The following TMPRSS6 variants were observed in gnomAD, a reference collection of about 807,000 sequenced individuals.
The protein encoded by TMPRSS6 is transmembrane protease serine 6.
Under a neutral mutation model 101.5 loss-of-function variants are expected in TMPRSS6, and 67 were observed. The ratio of observed to expected loss-of-function variants is 0.66; its 90% CI spans 0.54 to 0.81. TMPRSS6 has a LOEUF of 0.81. TMPRSS6 is among the 30% of genes least tolerant of loss of function. TMPRSS6 has a pLI of 0.00. For missense variants in TMPRSS6, 1,034 were observed against 1,088.7 expected, an observed-to-expected ratio of 0.95 and a Z score of 0.71; for synonymous variants, 453 against 464.9, an observed-to-expected ratio of 0.97 and a Z score of 0.33.
At position 37,085,218 on chromosome 22, in the gene TMPRSS6, G is replaced by A. The variant is rs550510378; in HGVS notation, c.974-379C>T. Among the ~76,000 whole-genome samples, 40 of 152,268 alleles carry A rather than the reference G, an allele frequency of 2.6e-4. 1 individual carries two copies. The South Asian group carries it at 7.9e-3, about 30-fold the overall frequency. On this transcript the variant is annotated intron_variant, in intron 8 of 17. Transcript: ENST00000676104. ...GTTCCCCTTTTCCAAGATGAGGTTC[G>A]GAGAAAAGGAGTGGCTTGGTTGAGG...
Position 37,086,181 on chromosome 22 carries a change from C to T in TMPRSS6, c.973+102G>A, listed in dbSNP as rs968828856. On this transcript the variant is annotated intron_variant, in intron 8 of 17. Coordinates refer to ENST00000676104, the MANE Select transcript of TMPRSS6 (RefSeq NM_001374504.1). ...TTCCAGAATCTTCCCTCTCCCCATC[C>T]CATCCTCAATTTGGGCAAAAAAGGT... 1.5e-5 allele frequency: 22 copies of T among 1,509,536 alleles called. No homozygotes were observed. In the African/African-American group the frequency reaches 3.0e-4, roughly 21 times the overall value. The allele number at this position is 1,509,536 out of a possible 1,614,324, so 93.5% of individuals were successfully genotyped here.
rs768387736 is a variant in TMPRSS6 at position 37,075,279 on chromosome 22, G to T, written c.1198C>A (p.Leu400Met). 1 of 1,613,360 alleles carries T rather than the reference G, an allele frequency of 6.2e-7. No homozygotes were observed. The highest frequency in any genetic ancestry group is 8.5e-7 in the Non-Finnish European group (1 of 1,179,992). The part of the protein sequence containing the change: ...QGQWTIQNRR[L>M]CGLRILQPYA... ...GGCTGCAGGATGCGCAAGCCACACA[G>T]CCTGGGGGGAGTCAGAGACGACTCA... The change falls in exon 11 of 18, where the codon CTG becomes ATG. Residue 400 changes from leucine to methionine, a missense_variant and splice_region_variant. Leu to Met is a conservative substitution (Grantham distance 15). Coordinates refer to ENST00000676104, the MANE Select transcript of TMPRSS6 (RefSeq NM_001374504.1).
intron 2 of TMPRSS6, among the ~76,000 whole-genome samples, chr22:37,102,453 C>T (rs748781439): frequency 5.9e-5 from 9 of 152,218 alleles, no homozygotes; most frequent in Non-Finnish European, 1.2e-4. Context: ...TTCCCACTGT[C>T]AAAGGCAGAA....
intron 6 of TMPRSS6, among the ~76,000 whole-genome samples, chr22:37,091,588 C>T (rs1184881353): frequency 1.3e-5 from 2 of 152,208 alleles, no homozygotes; most frequent in East Asian, 3.9e-4. Context: ...GATTCGGTGT[C>T]CAGGCTGCAG....
intron 13 of TMPRSS6, among the ~76,000 whole-genome samples, chr22:37,072,098 A>G (rs1219092633): frequency 1.1e-4 from 13 of 119,028 alleles, no homozygotes; most frequent in Non-Finnish European, 1.9e-4. Context: ...GATGATGGAC[A>G]GATGATGGAT....
chr22:37,067,723 G>A (rs1406184365), intron 16 of TMPRSS6, among the ~76,000 whole-genome samples: 1 of 127,644 alleles, frequency 7.8e-6, no homozygotes, highest in Non-Finnish European at 1.7e-5. Context: ...GTCCCCCGGG[G>A]AGCCTTGATA....
chr22:37,070,423 C>G, intron 15 of TMPRSS6, 61 bp downstream of exon 15: 2 of 1,602,996 alleles, frequency 1.2e-6, no homozygotes, highest in South Asian at 2.2e-5. Flanking sequence ...CAGTGCACCT[C>G]CCACCGGGCC....
intron 13 of TMPRSS6, among the ~76,000 whole-genome samples, chr22:37,072,545 G>A (rs1178610157): frequency 1.4e-5 from 2 of 142,030 alleles, no homozygotes; most frequent in Non-Finnish European, 3.2e-5. Flanking sequence ...ATGGATGATG[G>A]ATGAATGGAT....
chr22:37,085,593 G>C (rs1928672962), intron 8 of TMPRSS6, among the ~76,000 whole-genome samples: 1 of 152,166 alleles, frequency 6.6e-6, no homozygotes, highest in Non-Finnish European at 1.5e-5. Flanking sequence ...CAAAGTTTGG[G>C]CCTCCTGCGC....
chr22:37,079,615 T>G (rs975863653), intron 10 of TMPRSS6, among the ~76,000 whole-genome samples: 15 of 152,208 alleles, frequency 9.9e-5, no homozygotes, highest in Non-Finnish European at 2.9e-5. Context: ...GACCTGGGGC[T>G]GCAGAGCTGA....
At chr22:37,086,499 G>A in intron 7 of TMPRSS6, 80 bp from the exon 8 acceptor site, 3 of 1,481,906 alleles carry the variant, frequency 2.0e-6, no homozygotes, top group Non-Finnish European at 2.8e-6. Flanking sequence ...GGCTGCTGGG[G>A]GAGGGTGGAC....
intron 5 of TMPRSS6, 100 bp downstream of exon 5, chr22:37,095,806 C>G (rs554886297): frequency 6.7e-7 from 1 of 1,496,526 alleles, no homozygotes; most frequent in Non-Finnish European, 9.3e-7. Context: ...CCCACCCTGA[C>G]AGCACCCCAG....
Position 37,103,766 on chromosome 22 carries a change from A to G in TMPRSS6, c.-1-348T>C, listed in dbSNP as rs560089325. On this transcript the variant is annotated intron_variant, in intron 1 of 17. Transcript: ENST00000676104. The surrounding 1 kb of genome is among the most constrained non-coding windows in gnomAD (Gnocchi z 4.4). ...GCACCCACAGACAGAACTGAAGTACATGGGGTGCAGACTTCTGTAGACATC... is the reference window on the plus strand; with the variant it reads ...GCACCCACAGACAGAACTGAAGTACGTGGGGTGCAGACTTCTGTAGACATC... 5.4e-4 allele frequency: 347 copies of G among 641,024 alleles called. 5 individuals are homozygous for G. The highest frequency in any genetic ancestry group is 4.1e-3 in the Middle Eastern group (10 of 2,446). The allele number at this position is 641,024 out of a possible 1,614,324, so 39.7% of individuals were successfully genotyped here.
At chr22:37,073,670 C>A (rs757076543) in intron 12 of TMPRSS6, 25 bp from the exon 13 acceptor site, 1 of 1,565,112 alleles carries the variant, frequency 6.4e-7, no homozygotes, top group South Asian at 1.1e-5. Context: ...AGAGAGGGGA[C>A]AGGTGGGAGG....
intron 16 of TMPRSS6, chr22:37,068,700 G>T: frequency 1.3e-6 from 1 of 779,706 alleles, no homozygotes; most frequent in East Asian, 2.4e-5. Flanking sequence ...TGGATTATAT[G>T]AAGTCAAGTT....
At chr22:37,097,699 TCTTGTAACAGAGGGGCAGGAGC>T (rs1929894691) in intron 3 of TMPRSS6, among the ~76,000 whole-genome samples, 3 of 139,596 alleles carry the variant, frequency 2.1e-5, no homozygotes, top group Non-Finnish European at 3.1e-5. Context: ...CGGGCCACCG[TCTTGTAACAGAGGGGCAGGAGC>T]GGGCCACCGT....
At chr22:37,094,577 A>T (rs908522329) in intron 6 of TMPRSS6, among the ~76,000 whole-genome samples, 1 of 152,192 alleles carries the variant, frequency 6.6e-6, no homozygotes, top group South Asian at 2.1e-4. Flanking sequence ...AGACAAATAG[A>T]TCAGTTTCTT....
Position 37,084,509 on chromosome 22 carries a change from G to A in TMPRSS6, c.1087-105C>T, listed in dbSNP as rs546400688. ...AAGGAAACACAGAATCCCAGGTGGG[G>A]CTAAAGTCTGTCAGTCACTCAACAA... is the stretch of plus-strand genomic sequence containing the variant. On this transcript the variant is annotated intron_variant, in intron 9 of 17. Coordinates refer to ENST00000676104, the MANE Select transcript of TMPRSS6 (RefSeq NM_001374504.1). 8 of 932,968 alleles carry A rather than the reference G, an allele frequency of 8.6e-6. No homozygotes were observed. In the East Asian group the frequency reaches 2.1e-4, roughly 24 times the overall value. The allele number at this position is 932,968 out of a possible 1,614,324, so 57.8% of individuals were successfully genotyped here.
intron 10 of TMPRSS6, among the ~76,000 whole-genome samples, chr22:37,078,971 G>A (rs150833491): frequency 2.1e-4 from 10 of 46,886 alleles, no homozygotes; most frequent in Non-Finnish European, 3.5e-4. Flanking sequence ...AAGAAAGAAA[G>A]AAAAAGAAAG....
Sources: allele counts gnomAD v4.1 joint callset (sites outside exome capture counted in the v4.1 genomes callset), GRCh38; gene constraint gnomAD v4.1.1; non-coding constraint Gnocchi (gnomAD v3.1); transcripts MANE v1.5; gene names NCBI Gene and HGNC (gene_info 2026-07-23, HGNC 2026-07-21).